Variants in BMAL1 observed in about 807,000 individuals in gnomAD.
BMAL1 encodes the protein basic helix-loop-helix ARNT like 1.
chr11:13,339,882 G>A, the BMAL1 span, among the ~76,000 whole-genome samples: 5 of 152,244 alleles, frequency 3.3e-5, no homozygotes, highest in East Asian at 9.7e-4. Context: ...GCCAGATGAG[G>A]ACAAGGATTT....
chr11:13,372,660 A>C, the BMAL1 span, among the ~76,000 whole-genome samples: 1 of 152,084 alleles, frequency 6.6e-6, no homozygotes, highest in African/African-American at 2.4e-5. Flanking sequence ...AAATACAAAA[A>C]TTAGCCAGGC....
the BMAL1 span, among the ~76,000 whole-genome samples, chr11:13,373,263 C>G: frequency 6.6e-6 from 1 of 152,076 alleles, no homozygotes; most frequent in African/African-American, 2.4e-5. Context: ...AGACCTGGAC[C>G]AAGGACCCAG....
chr11:13,352,310 C>T, the BMAL1 span, among the ~76,000 whole-genome samples: 5 of 152,268 alleles, frequency 3.3e-5, no homozygotes, highest in South Asian at 1.0e-3. Flanking sequence ...TGCTGGGCGG[C>T]ATGCAGGCCT....
At chr11:13,382,680 A>G in the BMAL1 span, among the ~76,000 whole-genome samples, 816 of 152,348 alleles carry the variant, frequency 5.4e-3, 12 homozygotes, top group African/African-American at 0.019. Flanking sequence ...GGTATTACCA[A>G]GGATTCTACT....
the BMAL1 span, among the ~76,000 whole-genome samples, chr11:13,322,991 C>G: frequency 6.6e-6 from 1 of 151,042 alleles, no homozygotes; most frequent in East Asian, 1.9e-4. Flanking sequence ...GAGACAGCGT[C>G]TAGCCATGTT....
the BMAL1 span, among the ~76,000 whole-genome samples, chr11:13,367,068 T>C: frequency 2.6e-5 from 4 of 152,234 alleles, no homozygotes; most frequent in Admixed American, 2.6e-4. Flanking sequence ...TCTTTCAGAA[T>C]CTAGAAAATC....
At chr11:13,353,022 A>G in the BMAL1 span, among the ~76,000 whole-genome samples, 1 of 152,212 alleles carries the variant, frequency 6.6e-6, no homozygotes, top group African/African-American at 2.4e-5. Context: ...TGTTTTGCAA[A>G]TTTGTTTACA....
chr11:13,312,112 C>T, the BMAL1 span, among the ~76,000 whole-genome samples: 2 of 152,284 alleles, frequency 1.3e-5, no homozygotes, highest in East Asian at 3.9e-4. Context: ...ACAGTTGTAA[C>T]TGGTTTAGAG....
At chr11:13,360,603 A>G in the BMAL1 span, among the ~76,000 whole-genome samples, 1 of 152,032 alleles carries the variant, frequency 6.6e-6, no homozygotes, top group African/African-American at 2.4e-5. Context: ...CCACAAAACC[A>G]TTCTCCTCCT....
At chr11:13,373,975 C>T in the BMAL1 span, 2 of 784,380 alleles carry the variant, frequency 2.5e-6, no homozygotes, top group East Asian at 5.2e-5. Flanking sequence ...CCATCCAGCT[C>T]TTTTGCCTGC....
At chr11:13,376,232 A>AGG in the BMAL1 span, among the ~76,000 whole-genome samples, 1 of 152,180 alleles carries the variant, frequency 6.6e-6, no homozygotes, top group African/African-American at 2.4e-5. Flanking sequence ...AGATGAGCAG[A>AGG]GGGAGGTGAA....
chr11:13,367,243 C>A, the BMAL1 span, among the ~76,000 whole-genome samples: 4 of 152,102 alleles, frequency 2.6e-5, no homozygotes, highest in African/African-American at 9.7e-5. Flanking sequence ...TAGGTTGGCT[C>A]CCCCACCTGG....
chr11:13,320,124 C>T, the BMAL1 span, among the ~76,000 whole-genome samples: 2 of 152,186 alleles, frequency 1.3e-5, no homozygotes, highest in South Asian at 4.1e-4. Context: ...CAGCCAGGGG[C>T]CTTAACTGAT....
the BMAL1 span, among the ~76,000 whole-genome samples, chr11:13,328,345 GT>G: frequency 1.3e-5 from 2 of 151,880 alleles, no homozygotes; most frequent in African/African-American, 2.4e-5. Context: ...AAAAATGCTT[GT>G]TTTTTTTCCT....
chr11:13,376,844 GC>G, the BMAL1 span: 1 of 913,998 alleles, frequency 1.1e-6, no homozygotes, highest in South Asian at 1.7e-5. Flanking sequence ...AACAAGGGAG[GC>G]CTCGAGGGGA....
At chr11:13,378,261 C>G in the BMAL1 span, 1 of 1,460,996 alleles carries the variant, frequency 6.8e-7, no homozygotes, top group African/African-American at 1.4e-5. Flanking sequence ...ATGGGATAAA[C>G]TGGTTTTACT....
At chr11:13,284,927 A>G in the BMAL1 span, among the ~76,000 whole-genome samples, 3 of 152,006 alleles carry the variant, frequency 2.0e-5, no homozygotes. Context: ...ATTCCCAGCC[A>G]CAGCCCTGTG....
the BMAL1 span, chr11:13,380,325 C>A: frequency 6.6e-6 from 1 of 152,328 alleles, no homozygotes; most frequent in East Asian, 1.9e-4. Flanking sequence ...CAAAAGACTT[C>A]TGGGTGGTGG....
At chr11:13,312,334 T>C in the BMAL1 span, among the ~76,000 whole-genome samples, 4 of 152,182 alleles carry the variant, frequency 2.6e-5, no homozygotes, top group Non-Finnish European at 5.9e-5. Context: ...TGCTTCCTAC[T>C]TTATCTTGCC....
Sources: allele counts gnomAD v4.1 joint callset (sites outside exome capture counted in the v4.1 genomes callset), GRCh38; gene constraint gnomAD v4.1.1; transcripts MANE v1.5; gene names NCBI Gene and HGNC (gene_info 2026-07-23, HGNC 2026-07-21).